Variants in PLEKHG7 observed in about 807,000 individuals in gnomAD.
The protein encoded by PLEKHG7 is pleckstrin homology and RhoGEF domain containing G7, also known as pleckstrin homology domain-containing family G member 7.
Under a neutral mutation model 85.2 loss-of-function variants are expected in PLEKHG7, and 77 were observed. The ratio of observed to expected loss-of-function variants is 0.90; its 90% CI spans 0.75 to 1.09. PLEKHG7 has a LOEUF of 1.09. Ranked by LOEUF, PLEKHG7 falls within the 50% of genes least tolerant of loss-of-function variation. The pLI, the probability that PLEKHG7 is intolerant of heterozygous loss-of-function variation, is 0.00. For missense variants in PLEKHG7, 777 were observed against 804.3 expected (o/e 0.97, Z 0.41); for synonymous variants, 301 against 302.4 (o/e 1.00, Z 0.05).
At chr12:92,711,696 A>G (rs1250195763) in intron 3 of PLEKHG7, among the ~76,000 whole-genome samples, 1 of 152,090 alleles carries the variant, frequency 6.6e-6, no homozygotes, top group Non-Finnish European at 1.5e-5. Context: ...GCTGTGATTC[A>G]CCTATAGGGG....
At chr12:92,721,570 G>A in intron 3 of PLEKHG7, 7 of 1,111,776 alleles carry the variant, frequency 6.3e-6, no homozygotes, top group African/African-American at 4.9e-5. Flanking sequence ...GGTGGGTGGG[G>A]GTGGGGAAAG....
At chr12:92,727,927 G>GGTGTGTGT (rs540230230) in intron 3 of PLEKHG7, among the ~76,000 whole-genome samples, 2,799 of 84,954 alleles carry the variant, frequency 0.033, 252 homozygotes, top group East Asian at 0.13. Flanking sequence ...GGTATTCTAT[G>GGTGTGTGT]GTGTGTGTGT....
Position 92,740,900 on chromosome 12 carries a change from A to G in PLEKHG7, c.987A>G (p.Leu329=). The G allele has an allele frequency of 6.2e-7, 1 of 1,612,168 alleles. No homozygotes were observed. The highest frequency in any genetic ancestry group is 8.5e-7 in the Non-Finnish European group (1 of 1,178,780). Residue 329 remains leucine, a synonymous_variant, in exon 8 of 17, where the codon CTA becomes CTG. Transcript: ENST00000344636. Reference sequence around the variant, plus strand: ...ATCTGCAAACTCATGAATATCTCCTAGATGTGGATTTATGGAGACTTTTTG... The same window carrying G: ...ATCTGCAAACTCATGAATATCTCCTGGATGTGGATTTATGGAGACTTTTTG... The part of the protein sequence containing the change: ...LRYLQTHEYL[L]DVDLWRLFAN...
intron 10 of PLEKHG7, among the ~76,000 whole-genome samples, chr12:92,752,514 T>G (rs779359454): frequency 2.6e-5 from 4 of 152,082 alleles, no homozygotes; most frequent in Non-Finnish European, 5.9e-5. Context: ...TTGAGCTAAT[T>G]GTACCTAGAT....
In PLEKHG7 at chr12:92,770,093, A is replaced by G. The variant is rs772929925; in HGVS notation, c.1974A>G (p.Thr658=). 6.3e-7 allele frequency: 1 copy of G among 1,585,226 alleles called. No individual in the cohort carries two copies. Among genetic ancestry groups the G allele is most frequent in the South Asian group, 1.2e-5 (1 of 84,636 alleles). Residue 658 remains threonine (T), a synonymous_variant, in exon 17 of 17, where the codon ACA becomes ACG. Coordinates refer to ENST00000344636, the MANE Select transcript of PLEKHG7 (RefSeq NM_001377329.1). ...LQAQTENIKK[T]WMAQITTAIS... is the part of the protein sequence containing the mutation. The stretch of plus-strand genomic sequence containing the variant: ...TTTTTTCTTTTTTTCAACAGAAAAC[A>G]TGGATGGCACAAATAACAACTGCAA...
At chr12:92,768,561 T>A (rs1405210259) in intron 15 of PLEKHG7, among the ~76,000 whole-genome samples, 3 of 152,158 alleles carry the variant, frequency 2.0e-5, no homozygotes, top group Non-Finnish European at 4.4e-5. Context: ...GACTTCCCTT[T>A]AAACACAAAA....
At chr12:92,767,663 G>A (rs77041052) in intron 15 of PLEKHG7, among the ~76,000 whole-genome samples, 2,297 of 152,206 alleles carry the variant, frequency 0.015, 53 homozygotes, top group African/African-American at 0.052. Flanking sequence ...TGATACTGGG[G>A]TAGTTCTTGC....
chr12:92,733,819 A>C (rs1390057791), intron 5 of PLEKHG7, among the ~76,000 whole-genome samples: 1 of 152,206 alleles, frequency 6.6e-6, no homozygotes, highest in Non-Finnish European at 1.5e-5. Flanking sequence ...CTTTTCCCCA[A>C]AAAGAAGCAA....
At position 92,741,502 on chromosome 12, in the gene PLEKHG7, T is replaced by C. The variant is rs376768954; in HGVS notation, c.1047T>C (p.Gly349=). ...NLEELTQTSL[G]FVNSLFGIIK... ...CTCTCTGTCCCTAGACAAGCCTTGGTTTTGTGAACAGTCTCTTTGGCATCA... is the reference window on the plus strand; with the variant it reads ...CTCTCTGTCCCTAGACAAGCCTTGGCTTTGTGAACAGTCTCTTTGGCATCA... Residue 349 remains glycine (G), a synonymous_variant, in exon 9 of 17, where the codon GGT becomes GGC. Coordinates refer to ENST00000344636, the MANE Select transcript of PLEKHG7 (RefSeq NM_001377329.1). 1.1e-5 allele frequency: 17 copies of C among 1,609,348 alleles called. No homozygotes were observed. Among genetic ancestry groups the C allele is most frequent in the African/African-American group, 2.7e-5 (2 of 74,816 alleles).
At chr12:92,767,870 CTGGCCTGTTTTTGTTTGTT>C (rs1873254202) in intron 15 of PLEKHG7, among the ~76,000 whole-genome samples, 1 of 152,148 alleles carries the variant, frequency 6.6e-6, no homozygotes, top group African/African-American at 2.4e-5. Flanking sequence ...GGAGACAGCC[CTGGCCTGTTTTTGTTTGTT>C]TGTTTCTAAA....
At chr12:92,733,941 A>C (rs1872063978) in intron 5 of PLEKHG7, among the ~76,000 whole-genome samples, 1 of 152,260 alleles carries the variant, frequency 6.6e-6, no homozygotes, top group East Asian at 1.9e-4. Flanking sequence ...TGACAAGTAA[A>C]CTGTGGGTGG....
intron 13 of PLEKHG7, among the ~76,000 whole-genome samples, chr12:92,757,689 C>T (rs1251950921): frequency 6.6e-6 from 1 of 152,104 alleles, no homozygotes; most frequent in African/African-American, 2.4e-5. Flanking sequence ...CTGTATCATG[C>T]CCAAGTTCAC....
At chr12:92,756,501 A>T in intron 13 of PLEKHG7, 110 bp downstream of exon 13, 1 of 853,284 alleles carries the variant, frequency 1.2e-6, no homozygotes, top group Non-Finnish European at 2.0e-6. Flanking sequence ...GTTCCAGGTG[A>T]TGGAGGGTGT....
rs545048958 is a variant in PLEKHG7 at position 92,706,775 on chromosome 12, G to T, written c.144G>T (p.Ser48=). 16 of 1,613,972 alleles carry T rather than the reference G, an allele frequency of 9.9e-6. No homozygotes were observed. The highest frequency in any genetic ancestry group is 8.3e-5 in the Admixed American group (5 of 60,016). ...AAGCCCCAGGCCGCATCTCCACCTC[G>T]CCCACTTTGAGGAGATTAAGGACCC... ...DRQAPGRIST[S]PTLRRLRTRG... is the part of the protein sequence containing the mutation. Residue 48 remains serine (S), a synonymous_variant, in exon 2 of 17, where the codon TCG becomes TCT. Coordinates refer to ENST00000344636, the MANE Select transcript of PLEKHG7 (RefSeq NM_001377329.1).
At chr12:92,717,552 G>C (rs1217820662) in intron 3 of PLEKHG7, among the ~76,000 whole-genome samples, 1 of 152,248 alleles carries the variant, frequency 6.6e-6, no homozygotes, top group Non-Finnish European at 1.5e-5. Context: ...TGATGCTTTT[G>C]TCAACAATGG....
In PLEKHG7 at chr12:92,727,750, A is replaced by C. The variant is rs568453231; in HGVS notation, c.531-1243A>C. On this transcript the variant is annotated intron_variant, in intron 3 of 16. Transcript: ENST00000344636. The stretch of plus-strand genomic sequence containing the variant: ...ATTACAGGCATGCACCACCATGCCC[A>C]GCTAATTTTGTATTTTTTTTAGTGG... 2.6e-5 allele frequency among the ~76,000 whole-genome samples: 4 copies of C among 152,006 alleles called. No homozygotes were observed. In the South Asian group the frequency reaches 8.3e-4, roughly 32 times the overall value.
chr12:92,768,938 A>T (rs1873305710), intron 15 of PLEKHG7, 45 bp from the exon 16 acceptor site: 4 of 1,335,262 alleles, frequency 3.0e-6, no homozygotes, highest in Non-Finnish European at 4.2e-6. Flanking sequence ...TTTGGATTTC[A>T]TATGAAATGA....
chr12:92,737,695 AAGAG>A (rs752076871), intron 7 of PLEKHG7, among the ~76,000 whole-genome samples, 174 bp downstream of exon 7: 11 of 125,008 alleles, frequency 8.8e-5, no homozygotes, highest in East Asian at 2.9e-4. Context: ...AGAAAAGAAA[AAGAG>A]AGAAAGAGAA....
intron 4 of PLEKHG7, among the ~76,000 whole-genome samples, chr12:92,731,158 G>A (rs188073494): frequency 4.5e-4 from 69 of 152,320 alleles, no homozygotes; most frequent in Admixed American, 2.1e-3. Context: ...AATTGGCCAA[G>A]GATCAGGGAC....
Sources: gnomAD v4.1 joint callset for allele counts (sites outside exome capture counted in the v4.1 genomes callset) on GRCh38, gnomAD v4.1.1 for gene constraint, MANE v1.5 for transcripts, NCBI Gene and HGNC (gene_info 2026-07-23, HGNC 2026-07-21) for gene names.